Variants in EI24 observed in about 807,000 individuals in gnomAD.
EI24 encodes EI24 autophagy associated transmembrane protein.
Under a neutral mutation model 48.6 loss-of-function variants are expected in EI24, and 21 were observed. That is an observed-to-expected ratio of 0.43 (90% CI 0.31 to 0.62). The LOEUF is 0.62. EI24 is among the 20% of genes least tolerant of loss of function. The probability of loss-of-function intolerance (pLI) is 0.10; values close to 1 mark genes in which losing one functional copy is unlikely to be tolerated. For synonymous variants in EI24, 114 were observed against 145.5 expected (o/e 0.78, Z 1.56); for missense variants, 280 against 410.5 (o/e 0.68, Z 2.75).
intron 8 of EI24, chr11:125,580,638 A>C (rs1465748641): frequency 6.3e-6 from 1 of 157,656 alleles, no homozygotes; most frequent in Non-Finnish European, 1.4e-5. Context: ...GTTCCAGACT[A>C]ATCCTGACAA....
chr11:125,576,011 G>C (rs558694911), intron 3 of EI24: 2 of 485,538 alleles, frequency 4.1e-6, no homozygotes, highest in African/African-American at 2.0e-5. Context: ...GGCTGGTCTC[G>C]AACTCCTGAC....
At chr11:125,574,476 A>C (rs1214061141) in intron 2 of EI24, among the ~76,000 whole-genome samples, 4 of 152,254 alleles carry the variant, frequency 2.6e-5, no homozygotes, top group Non-Finnish European at 5.9e-5. Context: ...TCAAAGGCAC[A>C]CTGTGCCAAT....
chr11:125,576,868 A>C (rs868389601), intron 4 of EI24, among the ~76,000 whole-genome samples: 1 of 152,166 alleles, frequency 6.6e-6, no homozygotes, highest in African/African-American at 2.4e-5. Flanking sequence ...CAATTCACAG[A>C]TGTTTTCAGA....
intron 8 of EI24, 87 bp downstream of exon 8, chr11:125,580,291 G>A (rs1938939112): frequency 2.0e-6 from 2 of 988,502 alleles, no homozygotes; most frequent in Admixed American, 3.8e-5. Flanking sequence ...CTCATAGTCA[G>A]GCTTTTGGCA....
chr11:125,575,528 AT>A (rs1403672960), intron 3 of EI24, 120 bp downstream of exon 3: 4 of 1,175,150 alleles, frequency 3.4e-6, no homozygotes, highest in South Asian at 1.8e-5. Context: ...GTTGCAAGTG[AT>A]TTCCCCCCAA....
At chr11:125,575,445 G>A in intron 3 of EI24, 37 bp downstream of exon 3, 2 of 1,521,566 alleles carry the variant, frequency 1.3e-6, no homozygotes, top group Non-Finnish European at 1.8e-6. Context: ...ATGTCCAAGG[G>A]AGGGAAGACC....
intron 1 of EI24, among the ~76,000 whole-genome samples, chr11:125,570,835 G>A (rs184538810): frequency 6.6e-5 from 10 of 152,248 alleles, no homozygotes; most frequent in African/African-American, 1.9e-4. Flanking sequence ...AACTAGTGTC[G>A]TGCATATCAC....
At chr11:125,578,344 G>A (rs1938836709) in intron 6 of EI24, 87 bp downstream of exon 6, 8 of 1,562,046 alleles carry the variant, frequency 5.1e-6, no homozygotes, top group Non-Finnish European at 7.0e-6. Flanking sequence ...TAGTGGGCAT[G>A]TAGGGGGACC....
intron 6 of EI24, among the ~76,000 whole-genome samples, chr11:125,578,480 C>CTTTTTT (rs370986926): frequency 5.7e-4 from 48 of 84,680 alleles, no homozygotes; most frequent in East Asian, 7.4e-4. Flanking sequence ...TTCGTTTTGG[C>CTTTTTT]TTTTTTTTTT....
intron 1 of EI24, chr11:125,570,484 A>T (rs1414517530): frequency 1.3e-5 from 2 of 152,182 alleles, no homozygotes; most frequent in Non-Finnish European, 2.9e-5. Flanking sequence ...AAGTGAAGTG[A>T]TTTATCCTTC....
chr11:125,581,415 A>AC, intron 9 of EI24, 93 bp downstream of exon 9: 1 of 700,144 alleles, frequency 1.4e-6, no homozygotes, highest in Non-Finnish European at 2.4e-6. Flanking sequence ...TTCGCATTCT[A>AC]CATCATCATT....
intron 9 of EI24, among the ~76,000 whole-genome samples, chr11:125,581,537 CTTTTTTTTTTTT>C (rs33956827): frequency 7.8e-3 from 396 of 50,760 alleles, no homozygotes; most frequent in South Asian, 0.016. Context: ...AGCAATTATT[CTTTTTTTTTTTT>C]TTTTTTTTTT....
At chr11:125,578,812 C>A in intron 6 of EI24, 137 bp from the exon 7 acceptor site, 1 of 1,049,812 alleles carries the variant, frequency 9.5e-7, no homozygotes, top group Non-Finnish European at 1.3e-6. Context: ...ACTATAGGCA[C>A]ATGCCATCGT....
intron 1 of EI24, among the ~76,000 whole-genome samples, chr11:125,571,042 A>G (rs749753082): frequency 2.0e-5 from 3 of 152,252 alleles, no homozygotes; most frequent in Non-Finnish European, 4.4e-5. Context: ...CCTAAGGAGC[A>G]GAGGGTATAT....
rs1938618570 is a variant in EI24 at position 125,573,679 on chromosome 11, C to CCT, written c.42+1110_42+1111insCT. The CCT allele has an allele frequency of 5.4e-5, 5 of 93,220 alleles. No homozygotes were observed. In the South Asian group the frequency reaches 1.9e-3, roughly 36 times the overall value. The allele number at this position is 93,220 out of a possible 1,614,324, so 5.8% of individuals were successfully genotyped here. On this transcript the variant is annotated intron_variant, in intron 2 of 10. Coordinates refer to ENST00000278903, the MANE Select transcript of EI24 (RefSeq NM_004879.5). ...AAAAAGACTTTATGCATATGATCTCCTTTTTTTTTTTTTTTTTTTTTTGAC... is the reference window on the plus strand; with the variant it reads ...AAAAAGACTTTATGCATATGATCTCCCTTTTTTTTTTTTTTTTTTTTTTTGAC...
At chr11:125,582,863 A>G (rs10893400) in intron 10 of EI24, among the ~76,000 whole-genome samples, 2,999 of 152,328 alleles carry the variant, frequency 0.02, 97 homozygotes, top group African/African-American at 0.066. Context: ...CTTGCTATAC[A>G]GCACAGCTCA....
In EI24 at chr11:125,584,012, T is replaced by G; in HGVS notation, c.*329T>G. The G allele has an allele frequency of 3.7e-6, 1 of 270,702 alleles. No individual in the cohort carries two copies. Among genetic ancestry groups the G allele is most frequent in the Non-Finnish European group, 7.2e-6 (1 of 139,182 alleles). The allele number at this position is 270,702 out of a possible 1,614,324, so 16.8% of individuals were successfully genotyped here. On this transcript the variant is annotated 3_prime_UTR_variant, in exon 11 of 11. Transcript: ENST00000278903. ...CCCTGTGCCATTTACCCTTCCACCT[T>G]TCCATCCTGCCTTCTACCACCCTTG...
Position 125,582,335 on chromosome 11 carries a change from T to G in EI24, c.786-11T>G, listed in dbSNP as rs1346179681. On this transcript the variant is annotated splice_polypyrimidine_tract_variant and intron_variant, in intron 9 of 10. Transcript: ENST00000278903. The stretch of plus-strand genomic sequence containing the variant: ...GGTGACTAATTATTTCTTTTTTTTT[T>G]TTTTAAACAGTGGCTGCCTTTTCTC... 1.5e-5 allele frequency: 23 copies of G among 1,537,084 alleles called. No homozygotes were observed. The highest frequency in any genetic ancestry group is 1.7e-5 in the Non-Finnish European group (20 of 1,146,582).
chr11:125,575,799 TG>T, intron 3 of EI24: 4 of 314,300 alleles, frequency 1.3e-5, no homozygotes, highest in South Asian at 5.0e-5. Flanking sequence ...TTTTTTTTTT[TG>T]AGACGGATTC....
Sources: gnomAD v4.1 joint callset for allele counts (sites outside exome capture counted in the v4.1 genomes callset) on GRCh38, gnomAD v4.1.1 for gene constraint, MANE v1.5 for transcripts, NCBI Gene and HGNC (gene_info 2026-07-23, HGNC 2026-07-21) for gene names.